Variants in TTC28 observed in about 807,000 individuals in gnomAD.
TTC28 encodes the protein tetratricopeptide repeat domain 28.
In TTC28, 61 loss-of-function variants were observed where a neutral mutation model predicts 198.0. The observed-to-expected ratio is 0.31, with a 90% CI of 0.25 to 0.38. The LOEUF is 0.38. Ranked by LOEUF, TTC28 falls within the 10% of genes least tolerant of loss-of-function variation. TTC28 has a pLI of 1.00. For missense variants in TTC28, 2,678 were observed against 3,164.0 expected, an observed-to-expected ratio of 0.85 and a Z score of 3.69; for synonymous variants, 1,171 against 1,297.8, an observed-to-expected ratio of 0.90 and a Z score of 2.10.
intron 2 of TTC28, among the ~76,000 whole-genome samples, chr22:28,494,761 A>T (rs1271346435): frequency 1.3e-5 from 2 of 152,098 alleles, no homozygotes. Context: ...GACTTAACAT[A>T]GAAGGAGGAA....
chr22:28,570,697 T>C (rs2050046119), intron 2 of TTC28, among the ~76,000 whole-genome samples: 1 of 152,062 alleles, frequency 6.6e-6, no homozygotes, highest in African/African-American at 2.4e-5. Flanking sequence ...AAATAAAAGT[T>C]GGAAAGAAAA....
chr22:28,383,961 A>C (rs2046534955), intron 2 of TTC28, among the ~76,000 whole-genome samples: 1 of 152,106 alleles, frequency 6.6e-6, no homozygotes, highest in South Asian at 2.1e-4. Flanking sequence ...CCCTCCCCTA[A>C]ACAACTTATT....
chr22:28,043,850 G>C (rs1216509190), intron 12 of TTC28, among the ~76,000 whole-genome samples: 1 of 152,176 alleles, frequency 6.6e-6, no homozygotes, highest in African/African-American at 2.4e-5. Flanking sequence ...GGGCACGTTG[G>C]AGAGTCAGTG....
intron 12 of TTC28, among the ~76,000 whole-genome samples, chr22:28,065,012 T>C (rs143496539): frequency 1.3e-3 from 198 of 152,324 alleles, no homozygotes; most frequent in African/African-American, 4.6e-3. Flanking sequence ...TGATGCATCA[T>C]TTTGATACAT....
chr22:28,162,118 C>T (rs990303330), intron 6 of TTC28, among the ~76,000 whole-genome samples: 3 of 152,170 alleles, frequency 2.0e-5, no homozygotes, highest in Non-Finnish European at 4.4e-5. Context: ...GTACCCACAT[C>T]TGTTTGAATA....
At chr22:28,037,668 G>A (rs1179655441) in intron 12 of TTC28, among the ~76,000 whole-genome samples, 2 of 152,122 alleles carry the variant, frequency 1.3e-5, no homozygotes, top group Non-Finnish European at 2.9e-5. Flanking sequence ...TTCTGGCCAG[G>A]GCAATCAGGC....
At position 28,003,478 on chromosome 22, in the gene TTC28, GCCAGCCCCAGCC is replaced by G. The variant is rs557898098; in HGVS notation, c.4219-1937_4219-1926del. 2.9e-3 allele frequency among the ~76,000 whole-genome samples: 436 copies of G among 152,244 alleles called. 3 individuals carry two copies. Among genetic ancestry groups the G allele is most frequent in the Non-Finnish European group, 4.8e-3 (328 of 68,016 alleles). Reference sequence around the variant, plus strand: ...TCGCAGGGCTTTGCTGTGACAAGATGCCAGCCCCAGCCCCAGCCCCAGGCCTGCAGGTCCTCC... The same window carrying G: ...TCGCAGGGCTTTGCTGTGACAAGATGCCAGCCCCAGGCCTGCAGGTCCTCC... On this transcript the variant is annotated intron_variant, in intron 14 of 22. Coordinates refer to ENST00000397906, the MANE Select transcript of TTC28 (RefSeq NM_001145418.2).
chr22:28,401,764 C>T (rs924457077), intron 2 of TTC28, among the ~76,000 whole-genome samples: 1 of 152,054 alleles, frequency 6.6e-6, no homozygotes, highest in African/African-American at 2.4e-5. Flanking sequence ...AGCGAGACCC[C>T]ATCTCTACAA....
chr22:27,996,119 T>A lies in TTC28; in HGVS notation c.5244+16A>T, dbSNP rs766779652. 8 of 1,544,668 alleles carry A rather than the reference T, an allele frequency of 5.2e-6. No individual in the cohort carries two copies. Among genetic ancestry groups the A allele is most frequent in the Non-Finnish European group, 7.0e-6 (8 of 1,145,914 alleles). On this transcript the variant is annotated intron_variant, in intron 17 of 22. Transcript: ENST00000397906. The stretch of plus-strand genomic sequence containing the variant: ...CTGCCAGCTCTCGTTGAGTGCAGGG[T>A]GCCCGACCCCCTTACCAGGTGCAGC...
chr22:28,378,411 A>T (rs1222191971), intron 2 of TTC28, among the ~76,000 whole-genome samples: 1 of 151,474 alleles, frequency 6.6e-6, no homozygotes, highest in East Asian at 1.9e-4. Context: ...CTGTAATCTC[A>T]GCACTATGGG....
At chr22:28,246,729 G>A (rs976930033) in intron 5 of TTC28, among the ~76,000 whole-genome samples, 1 of 152,144 alleles carries the variant, frequency 6.6e-6, no homozygotes, top group Admixed American at 6.5e-5. Context: ...AGTAAGTGGT[G>A]TAGTTCAGCT....
chr22:28,542,096 TAAA>T (rs2049425427), intron 2 of TTC28, among the ~76,000 whole-genome samples: 1 of 150,950 alleles, frequency 6.6e-6, no homozygotes, highest in Admixed American at 6.6e-5. Flanking sequence ...CTCTAAAAAA[TAAA>T]AATAAAAATC....
rs1434612586 is a variant in TTC28, at chr22:28,679,771, G to A, written c.-48C>T. ...CCGCCTCGAGCTAACGGTCCCGCCA[G>A]CTAGGCGCGCGCGCCGGTTCCGCGC... On this transcript the variant is annotated 5_prime_UTR_variant, in exon 1 of 23. Transcript: ENST00000397906. 10 of 1,040,628 alleles carry A rather than the reference G, an allele frequency of 9.6e-6. No homozygotes were observed. Among genetic ancestry groups the A allele is most frequent in the African/African-American group, 6.8e-5 (4 of 58,836 alleles). 64.5% of individuals were successfully genotyped at this position (1,040,628 alleles called of 1,614,324 possible).
At chr22:28,075,280 G>A (rs1316275892) in intron 12 of TTC28, among the ~76,000 whole-genome samples, 5 of 152,220 alleles carry the variant, frequency 3.3e-5, no homozygotes, top group East Asian at 1.9e-4. Flanking sequence ...CTTTCAGAAG[G>A]AGTAGAAATT....
At position 28,122,350 on chromosome 22, in the gene TTC28, T is replaced by C. The variant is rs546256402; in HGVS notation, c.1442-13947A>G. Among the ~76,000 whole-genome samples, 6 of 152,330 alleles carry C rather than the reference T, an allele frequency of 3.9e-5. No individual in the cohort carries two copies. The East Asian group carries it at 1.2e-3, about 29-fold the overall frequency. On this transcript the variant is annotated intron_variant, in intron 6 of 22. Transcript: ENST00000397906. ...CTTAAACCTCTGAACCAATGTCAGGTGCCTCACAATTATTGTTTTGTGAGA... is the reference window on the plus strand; with the variant it reads ...CTTAAACCTCTGAACCAATGTCAGGCGCCTCACAATTATTGTTTTGTGAGA...
rs915054240 is a variant in TTC28, at chr22:27,983,172, T to C, written c.6495A>G (p.Lys2165=). 9 of 1,551,738 alleles carry C rather than the reference T, an allele frequency of 5.8e-6. No homozygotes were observed. Among genetic ancestry groups the C allele is most frequent in the African/African-American group, 2.7e-5 (2 of 73,068 alleles). ...PKLDPQELAQ[K]ILEETQSHLI... ...GATGACTCTGTGTCTCCTCCAGAAT[T>C]TTCTGGGCTAACTCTTGTGGATCCA... The change falls in exon 23 of 23, where the codon AAA becomes AAG. Residue 2165 remains lysine (K), a synonymous_variant. Transcript: ENST00000397906.
chr22:28,229,869 T>C (rs528157182), intron 5 of TTC28, among the ~76,000 whole-genome samples: 25 of 152,272 alleles, frequency 1.6e-4, no homozygotes, highest in African/African-American at 5.3e-4. Context: ...TTTTGAGAAT[T>C]ACAGTTCTTT....
At chr22:28,334,333 G>C (rs2045669899) in intron 2 of TTC28, among the ~76,000 whole-genome samples, 1 of 152,062 alleles carries the variant, frequency 6.6e-6, no homozygotes, top group Admixed American at 6.6e-5. Flanking sequence ...TGTCTTTATA[G>C]CAGCATGTTT....
At chr22:28,420,448 C>A (rs114159675) in intron 2 of TTC28, among the ~76,000 whole-genome samples, 212 of 150,988 alleles carry the variant, frequency 1.4e-3, no homozygotes, top group African/African-American at 5.0e-3. Context: ...CTCAAAAACA[C>A]ACTTAAAGAG....
Sources: gnomAD v4.1 joint callset for allele counts (sites outside exome capture counted in the v4.1 genomes callset) on GRCh38, gnomAD v4.1.1 for gene constraint, MANE v1.5 for transcripts, NCBI Gene and HGNC (gene_info 2026-07-23, HGNC 2026-07-21) for gene names.